The following ZNF521 variants were observed in gnomAD, a reference collection of about 807,000 sequenced individuals.
ZNF521 encodes the protein zinc finger protein 521.
In ZNF521, 14 loss-of-function variants were observed where a neutral mutation model predicts 105.5. That is an observed-to-expected ratio of 0.13 (90% CI 0.09 to 0.21). The LOEUF (loss-of-function observed/expected upper bound fraction) is 0.21, where lower values mean the gene tolerates loss of function less well. Among genes scored for constraint, ZNF521 ranks in the 10% least tolerant of loss-of-function variants. The pLI, the probability that ZNF521 is intolerant of heterozygous loss-of-function variation, is 1.00. For missense variants in ZNF521, 1,233 were observed against 1,629.7 expected (o/e 0.76, Z 4.19); for synonymous variants, 635 against 606.0 (o/e 1.05, Z -0.70).
chr18:25,291,934 GA>G (rs78119042), intron 3 of ZNF521, among the ~76,000 whole-genome samples: 9,304 of 142,598 alleles, frequency 0.065, 693 homozygotes, highest in African/African-American at 0.19. Flanking sequence ...ATTGCACCAA[GA>G]AAAAAAAAAA....
chr18:25,111,914 T>C (rs947391162), intron 5 of ZNF521, among the ~76,000 whole-genome samples: 2 of 152,178 alleles, frequency 1.3e-5, no homozygotes, highest in African/African-American at 2.4e-5. Flanking sequence ...GGCGGAGTAA[T>C]GGAATGCACA....
intron 5 of ZNF521, among the ~76,000 whole-genome samples, chr18:25,100,537 C>T (rs1385568136): frequency 6.6e-6 from 1 of 152,092 alleles, no homozygotes; most frequent in Non-Finnish European, 1.5e-5. Flanking sequence ...CCAAGGGGCT[C>T]AATCCTGCTC....
intron 3 of ZNF521, among the ~76,000 whole-genome samples, chr18:25,282,386 A>T (rs564262379): frequency 6.6e-6 from 1 of 152,314 alleles, no homozygotes; most frequent in East Asian, 1.9e-4. Context: ...GCGTCGGGCC[A>T]CTAGACCAGG....
intron 4 of ZNF521, among the ~76,000 whole-genome samples, chr18:25,216,646 G>C (rs1031463260): frequency 1.3e-5 from 2 of 152,110 alleles, no homozygotes; most frequent in African/African-American, 4.8e-5. Flanking sequence ...GCAGCCTTGA[G>C]CTCCTGGGCT....
intron 7 of ZNF521, among the ~76,000 whole-genome samples, chr18:25,088,132 A>C (rs1444868807): frequency 6.6e-6 from 1 of 152,182 alleles, no homozygotes; most frequent in Non-Finnish European, 1.5e-5. Flanking sequence ...ATTCACTGTG[A>C]AAATTAACTG....
intron 4 of ZNF521, among the ~76,000 whole-genome samples, chr18:25,216,507 A>G (rs75478638): frequency 0.035 from 5,274 of 152,298 alleles, 292 homozygotes; most frequent in African/African-American, 0.12. Context: ...ACATTTACTG[A>G]GCCCTTATGA....
intron 5 of ZNF521, among the ~76,000 whole-genome samples, chr18:25,121,277 T>C (rs1158231659): frequency 6.9e-6 from 1 of 145,824 alleles, no homozygotes; most frequent in East Asian, 2.0e-4. Flanking sequence ...TTCTTCCTTT[T>C]TTTTTTTTTT....
chr18:25,120,887 A>T (rs1194531545), intron 5 of ZNF521, among the ~76,000 whole-genome samples: 5 of 152,064 alleles, frequency 3.3e-5, no homozygotes, highest in Non-Finnish European at 7.4e-5. Flanking sequence ...CTCTGCAGTA[A>T]GACACTGGCA....
At chr18:25,122,973 T>C (rs553671499) in intron 5 of ZNF521, among the ~76,000 whole-genome samples, 4 of 152,194 alleles carry the variant, frequency 2.6e-5, no homozygotes, top group East Asian at 3.9e-4. Context: ...TGGTCAAATA[T>C]AGAGCCCTTA....
At chr18:25,315,082 T>G (rs1185664617) in intron 3 of ZNF521, among the ~76,000 whole-genome samples, 1 of 152,210 alleles carries the variant, frequency 6.6e-6, no homozygotes, top group African/African-American at 2.4e-5. Flanking sequence ...ATGATAGGGT[T>G]TGTGGATTAG....
intron 5 of ZNF521, among the ~76,000 whole-genome samples, chr18:25,130,249 C>A (rs998330788): frequency 1.3e-5 from 2 of 152,134 alleles, no homozygotes; most frequent in African/African-American, 4.8e-5. Context: ...AAAGCTACAT[C>A]CTGTATTATT....
intron 5 of ZNF521, among the ~76,000 whole-genome samples, chr18:25,192,776 G>T (rs775862515): frequency 1.3e-5 from 2 of 151,546 alleles, no homozygotes; most frequent in Admixed American, 6.6e-5. Context: ...AATGCAGCCT[G>T]CATCATTTGA....
rs151147929 is a variant in ZNF521 at position 25,170,219 on chromosome 18, T to C, written c.3658+24941A>G. ...CACAAAACCAACCTTCTGGTTCCTA[T>C]CTTCACAGTGATTGGAAAATCTTCA... On this transcript the variant is annotated intron_variant, in intron 5 of 7. Coordinates refer to ENST00000361524, the MANE Select transcript of ZNF521 (RefSeq NM_015461.3). Among the ~76,000 whole-genome samples the C allele has an allele frequency of 1.7e-4, 26 of 152,146 alleles. No homozygotes were observed. The East Asian group carries it at 4.8e-3, about 28-fold the overall frequency.
chr18:25,078,416 C>T (rs1266141542), intron 7 of ZNF521, among the ~76,000 whole-genome samples: 2 of 152,220 alleles, frequency 1.3e-5, no homozygotes, highest in African/African-American at 4.8e-5. Context: ...GTGAACACGG[C>T]CATTCTTGCC....
chr18:25,148,248 T>C (rs1049206914), intron 5 of ZNF521, among the ~76,000 whole-genome samples: 8 of 152,212 alleles, frequency 5.3e-5, no homozygotes, highest in African/African-American at 1.7e-4. Context: ...GAAGCATAAA[T>C]GGACGTGACA....
Position 25,218,136 on chromosome 18 carries a change from T to A in ZNF521, c.3573+6209A>T, listed in dbSNP as rs953004215. Among the ~76,000 whole-genome samples, 5 of 152,172 alleles carry A rather than the reference T, an allele frequency of 3.3e-5. No individual in the cohort carries two copies. In the East Asian group the frequency reaches 7.7e-4, roughly 23 times the overall value. On this transcript the variant is annotated intron_variant, in intron 4 of 7. Coordinates refer to ENST00000361524, the MANE Select transcript of ZNF521 (RefSeq NM_015461.3). ...TCACAATAAAAGGATTATTATATCA[T>A]CCTATGGGGATGGAGGAGCAGAACA... is the stretch of plus-strand genomic sequence containing the variant.
intron 3 of ZNF521, among the ~76,000 whole-genome samples, chr18:25,280,322 C>T (rs1210493086): frequency 2.6e-5 from 4 of 151,784 alleles, no homozygotes; most frequent in Admixed American, 6.6e-5. Context: ...TGAAGGCACA[C>T]GACAATTCTG....
intron 3 of ZNF521, among the ~76,000 whole-genome samples, chr18:25,244,331 C>T (rs928838629): frequency 1.3e-5 from 2 of 151,902 alleles, no homozygotes; most frequent in Non-Finnish European, 2.9e-5. Flanking sequence ...CTTTATACCA[C>T]CCCACATCCA....
chr18:25,103,260 C>T (rs1485167607), intron 5 of ZNF521, among the ~76,000 whole-genome samples: 1 of 152,116 alleles, frequency 6.6e-6, no homozygotes, highest in African/African-American at 2.4e-5. Flanking sequence ...GATGGAGTGG[C>T]TGAACGCTGA....
Sources: gnomAD v4.1 joint callset for allele counts (sites outside exome capture counted in the v4.1 genomes callset) on GRCh38, gnomAD v4.1.1 for gene constraint, MANE v1.5 for transcripts, NCBI Gene and HGNC (gene_info 2026-07-23, HGNC 2026-07-21) for gene names.